FES: variants seen among roughly 807,000 people sequenced by gnomAD.
FES encodes tyrosine-protein kinase Fes/Fps.
Under a neutral mutation model 109.6 loss-of-function variants are expected in FES, and 83 were observed. The ratio of observed to expected loss-of-function variants is 0.76; its 90% CI spans 0.63 to 0.91. The LOEUF (loss-of-function observed/expected upper bound fraction) is 0.91. Ranked by LOEUF, FES falls within the 40% of genes least tolerant of loss-of-function variation. FES has a pLI of 0.00. For synonymous variants in FES, 458 were observed against 442.1 expected (o/e 1.04, Z -0.45); for missense variants, 943 against 1,070.9 (o/e 0.88, Z 1.67).
At chr15:90,894,266 A>G (rs560065513) in intron 18 of FES, among the ~76,000 whole-genome samples, 1 of 152,202 alleles carries the variant, frequency 6.6e-6, no homozygotes, top group East Asian at 1.9e-4. Context: ...CTTGGACAAC[A>G]CAGTGAAACT....
chr15:90,889,764 T>C lies in FES; in HGVS notation c.927-76T>C. On this transcript the variant is annotated intron_variant, in intron 7 of 18. Transcript: ENST00000328850. The surrounding 1 kb of genome is among the most constrained non-coding windows in gnomAD (Gnocchi z 6.1). ...CACCAGGTGGCCGGGCTTGCTTGGC[T>C]CTACAGGGATGCACTGGACCTGGGT... 2.5e-6 allele frequency: 4 copies of C among 1,606,420 alleles called. No individual in the cohort carries two copies. The highest frequency in any genetic ancestry group is 3.4e-6 in the Non-Finnish European group (4 of 1,176,148).
intron 2 of FES, 39 bp downstream of exon 2, chr15:90,885,297 C>T (rs757820803): frequency 1.9e-6 from 3 of 1,602,920 alleles, no homozygotes; most frequent in South Asian, 2.2e-5. Context: ...CTGGCTGTAT[C>T]TGCCTTCTCC....
intron 14 of FES, 118 bp downstream of exon 14, chr15:90,892,943 G>A (rs913043624): frequency 5.3e-5 from 70 of 1,328,266 alleles, no homozygotes; most frequent in Non-Finnish European, 7.0e-5. Flanking sequence ...CCCCCATTGC[G>A]GGTAGTACCC....
chr15:90,891,374 G>A, intron 11 of FES, 180 bp from the exon 12 acceptor site: 1 of 1,059,650 alleles, frequency 9.4e-7, no homozygotes, highest in South Asian at 1.5e-5. Context: ...GCTTAAGTGT[G>A]AGTCCTCCCC....
Position 90,890,409 on chromosome 15 carries a change from G to A in FES, c.1245G>A (p.Glu415=). Residue 415 remains glutamate (E), a synonymous_variant, in exon 10 of 19, where the codon GAG becomes GAA. Transcript: ENST00000328850. ...DRHSTSSSEQ[E]REGGRTPTLE... is the part of the protein sequence containing the mutation. The stretch of plus-strand genomic sequence containing the variant: ...TCTGTCCCTGGCCTCAGGAGCAGGA[G>A]CGAGAGGGGGGAAGGACACCCACGC... 6.2e-7 allele frequency: 1 copy of A among 1,612,974 alleles called. No homozygotes were observed. The highest frequency in any genetic ancestry group is 1.1e-5 in the South Asian group (1 of 91,086).
In FES at chr15:90,889,157, T is replaced by C; in HGVS notation, c.669-149T>C. On this transcript the variant is annotated intron_variant, in intron 5 of 18. Coordinates refer to ENST00000328850, the MANE Select transcript of FES (RefSeq NM_002005.4). The surrounding 1 kb of genome is among the most constrained non-coding windows in gnomAD (Gnocchi z 6.1). ...AGGAAATAGAAGATTAGGGAGAGGT[T>C]AAATAATTTGCCTAGAGTGGCATGG... 1.1e-6 allele frequency: 1 copy of C among 941,676 alleles called. No individual in the cohort carries two copies. Among genetic ancestry groups the C allele is most frequent in the Non-Finnish European group, 1.6e-6 (1 of 631,368 alleles). The allele number at this position is 941,676 out of a possible 1,614,324, so 58.3% of individuals were successfully genotyped here. A position where few individuals can be genotyped will look rare whatever the true frequency, so the allele number is the denominator to read the frequency against.
chr15:90,885,609 C>T (rs755035603), intron 3 of FES, 24 bp downstream of exon 3: 59 of 1,601,058 alleles, frequency 3.7e-5, no homozygotes, highest in South Asian at 1.0e-4. Context: ...ACTGGGGCTT[C>T]GGTCATTTCT....
chr15:90,891,224 C>T (rs1385661936), intron 11 of FES, 33 bp downstream of exon 11: 1 of 1,543,644 alleles, frequency 6.5e-7, no homozygotes, highest in East Asian at 2.4e-5. Context: ...CCTTCCAGGC[C>T]TCACTCTTCC....
At chr15:90,885,317 T>C in intron 2 of FES, 59 bp downstream of exon 2, 2 of 1,601,340 alleles carry the variant, frequency 1.2e-6, no homozygotes, top group Non-Finnish European at 1.7e-6. Flanking sequence ...CTTCCTCTCC[T>C]GGGGGCCCTC....
chr15:90,891,328 C>T, intron 11 of FES, 137 bp downstream of exon 11: 2 of 1,132,934 alleles, frequency 1.8e-6, no homozygotes, highest in South Asian at 1.5e-5. Flanking sequence ...CTGGAAGGGG[C>T]CACAGAGACC....
chr15:90,889,591 G>A lies in FES; in HGVS notation c.881G>A (p.Gly294Glu), dbSNP rs778314808. Reference protein sequence around the residue: ...LLEEGEPLEPGELQLNELTVE... With the variant: ...LLEEGEPLEPEELQLNELTVE... ...GAGGAGGGTGAACCGCTGGAGCCTG[G>A]GGAGCTCCAGCTGAACGAGCTGACT... Residue 294 changes from glycine (G) to glutamate (E), a missense_variant, in exon 7 of 19, where the codon GGG becomes GAG. Physicochemically the swap from Gly to Glu is moderately conservative, Grantham distance 98 (BLOSUM62 -2). Transcript: ENST00000328850. The surrounding 1 kb of genome is among the most constrained non-coding windows in gnomAD (Gnocchi z 6.1). 6.2e-7 allele frequency: 1 copy of A among 1,613,598 alleles called. No individual in the cohort carries two copies. The highest frequency in any genetic ancestry group is 8.5e-7 in the Non-Finnish European group (1 of 1,179,988).
At chr15:90,891,783 T>C in intron 12 of FES, 107 bp downstream of exon 12, 10 of 1,492,776 alleles carry the variant, frequency 6.7e-6, no homozygotes, top group Non-Finnish European at 9.1e-6. Context: ...GCCCTCCGTC[T>C]ACATACAAGA....
At position 90,885,132 on chromosome 15, in the gene FES, C is replaced by T. The variant is rs764147705; in HGVS notation, c.87C>T (p.Gly29=). The part of the protein sequence containing the change: ...MQEAELRLLE[G]MRKWMAQRVK... ...AGGCCGAGCTTCGTCTACTGGAGGG[C>T]ATGAGAAAGTGGATGGCCCAGCGGG... The change falls in exon 2 of 19, where the codon GGC becomes GGT. Residue 29 remains glycine (G), a synonymous_variant. Transcript: ENST00000328850. 5.0e-6 allele frequency: 8 copies of T among 1,614,008 alleles called. No homozygotes were observed. The highest frequency in any genetic ancestry group is 4.4e-5 in the South Asian group (4 of 91,090).
chr15:90,892,876 A>G lies in FES; in HGVS notation c.1826+51A>G, dbSNP rs753636108. On this transcript the variant is annotated intron_variant, in intron 14 of 18. Coordinates refer to ENST00000328850, the MANE Select transcript of FES (RefSeq NM_002005.4). ...CGGGTCCCGCATACACAGAGGTTAC[A>G]CTGCATGGCACAGTGTGAAGTGCTT... 1.0e-5 allele frequency: 16 copies of G among 1,553,498 alleles called. No homozygotes were observed. In the Admixed American group the frequency reaches 2.3e-4, roughly 23 times the overall value.
At chr15:90,891,986 G>T in intron 12 of FES, 72 bp from the exon 13 acceptor site, 1 of 1,584,238 alleles carries the variant, frequency 6.3e-7, no homozygotes, top group Non-Finnish European at 8.7e-7. Flanking sequence ...AAAAATGGAG[G>T]ACACAGCCCT....
chr15:90,888,817 C>T lies in FES; in HGVS notation c.669-489C>T, dbSNP rs1462978433. 5.3e-5 allele frequency among the ~76,000 whole-genome samples: 8 copies of T among 151,416 alleles called. 1 individual carries two copies. Among genetic ancestry groups the T allele is most frequent in the Admixed American group, 1.3e-4 (2 of 15,196 alleles). ...ATTTAGAGATGTAGTCTCATTCTTT[C>T]GCCAGGCTGGAGTGCAGTGGCGCGA... On this transcript the variant is annotated intron_variant, in intron 5 of 18. Coordinates refer to ENST00000328850, the MANE Select transcript of FES (RefSeq NM_002005.4).
chr15:90,894,175 G>A (rs1156571480), intron 18 of FES, 117 bp downstream of exon 18: 4 of 1,271,888 alleles, frequency 3.1e-6, no homozygotes, highest in Non-Finnish European at 4.4e-6. Flanking sequence ...GAATAACCTG[G>A]CCAGTTGCTC....
chr15:90,891,335 G>T, intron 11 of FES, 144 bp downstream of exon 11: 1 of 1,141,882 alleles, frequency 8.8e-7, no homozygotes, highest in East Asian at 2.6e-5. Context: ...GGGCCACAGA[G>T]ACCACCCTGT....
intron 12 of FES, 32 bp from the exon 13 acceptor site, chr15:90,892,026 A>C (rs1567100667): frequency 6.2e-7 from 1 of 1,613,754 alleles, no homozygotes; most frequent in Non-Finnish European, 8.5e-7. Flanking sequence ...TTTTCTTCAG[A>C]CTTCTGATCC....
Sources: gnomAD v4.1 joint callset for allele counts (sites outside exome capture counted in the v4.1 genomes callset) on GRCh38, gnomAD v4.1.1 for gene constraint, Gnocchi (gnomAD v3.1) non-coding constraint, MANE v1.5 for transcripts, NCBI Gene and HGNC (gene_info 2026-07-23, HGNC 2026-07-21) for gene names.